DLG2: variants seen among roughly 807,000 people sequenced by gnomAD.
DLG2 encodes discs large MAGUK scaffold protein 2.
A neutral mutation model predicts 132.5 loss-of-function variants in DLG2; 45 were observed. That is an observed-to-expected ratio of 0.34 (90% CI 0.27 to 0.44). The LOEUF (loss-of-function observed/expected upper bound fraction) is 0.44, where lower values mean the gene tolerates loss of function less well. Among genes scored for constraint, DLG2 ranks in the 20% least tolerant of loss-of-function variants. DLG2 has a pLI of 1.00. For missense variants in DLG2, 1,045 were observed against 1,196.9 expected, an observed-to-expected ratio of 0.87 and a Z score of 1.87; for synonymous variants, 424 against 419.6, an observed-to-expected ratio of 1.01 and a Z score of -0.13.
chr11:85,268,233 T>C (rs955003941), intron 4 of DLG2, among the ~76,000 whole-genome samples: 1 of 152,184 alleles, frequency 6.6e-6, no homozygotes, highest in Non-Finnish European at 1.5e-5. Flanking sequence ...CCATTCTATT[T>C]AAAGCCATCC....
intron 2 of DLG2, among the ~76,000 whole-genome samples, chr11:85,621,858 A>G (rs1340505195): frequency 6.6e-6 from 1 of 152,268 alleles, no homozygotes; most frequent in Non-Finnish European, 1.5e-5. Context: ...TTGATAAAGC[A>G]GCAGCAGGGT....
At chr11:84,233,021 C>T (rs193132930) in intron 8 of DLG2, among the ~76,000 whole-genome samples, 1 of 152,274 alleles carries the variant, frequency 6.6e-6, no homozygotes, top group Admixed American at 6.5e-5. Context: ...AACTTGGAAA[C>T]TTCACAACCT....
At chr11:84,929,621 G>A (rs1168567480) in intron 6 of DLG2, among the ~76,000 whole-genome samples, 1 of 152,068 alleles carries the variant, frequency 6.6e-6, no homozygotes, top group Admixed American at 6.6e-5. Flanking sequence ...AAAGTTCTGA[G>A]TAAAACAAAG....
At chr11:84,185,414 T>C (rs1181676336) in intron 8 of DLG2, among the ~76,000 whole-genome samples, 3 of 152,218 alleles carry the variant, frequency 2.0e-5, no homozygotes, top group Non-Finnish European at 2.9e-5. Context: ...TTTTTGTACA[T>C]TGATTTTGTA....
rs1280182790 is a variant in DLG2 at position 84,496,604 on chromosome 11, T to C, written c.519+37966A>G. Among the ~76,000 whole-genome samples, 5 of 152,286 alleles carry C rather than the reference T, an allele frequency of 3.3e-5. 1 individual carries two copies. In the South Asian group the frequency reaches 6.2e-4, roughly 19 times the overall value. ...ACATTTTTATTCAGCAACTGCATTA[T>C]TGTAATATAAGGAGAAAGTAAAAGA... is the stretch of plus-strand genomic sequence containing the variant. On this transcript the variant is annotated intron_variant, in intron 7 of 27. Coordinates refer to ENST00000376104, the MANE Select transcript of DLG2 (RefSeq NM_001142699.3).
chr11:84,844,542 T>C (rs1375762499), intron 6 of DLG2, among the ~76,000 whole-genome samples: 1 of 151,966 alleles, frequency 6.6e-6, no homozygotes, highest in Non-Finnish European at 1.5e-5. Flanking sequence ...GCTTCCTTGT[T>C]TATCCCCATC....
chr11:83,822,004 T>A (rs2050951695), intron 17 of DLG2, among the ~76,000 whole-genome samples: 1 of 152,108 alleles, frequency 6.6e-6, no homozygotes, highest in African/African-American at 2.4e-5. Flanking sequence ...CGAAAGATAT[T>A]AAGTGGAGGA....
chr11:83,590,753 T>C (rs1260539020), intron 19 of DLG2, among the ~76,000 whole-genome samples: 1 of 150,630 alleles, frequency 6.6e-6, no homozygotes, highest in African/African-American at 2.4e-5. Context: ...GCAAGACTAA[T>C]AAAGAAAAAA....
chr11:84,066,785 G>C (rs1371083674), intron 10 of DLG2, among the ~76,000 whole-genome samples: 1 of 151,976 alleles, frequency 6.6e-6, no homozygotes, highest in Non-Finnish European at 1.5e-5. Flanking sequence ...AGTAAAAAAA[G>C]GTAGATGTTA....
intron 7 of DLG2, among the ~76,000 whole-genome samples, chr11:84,439,763 G>C (rs2099011966): frequency 1.3e-5 from 2 of 152,180 alleles, no homozygotes; most frequent in Non-Finnish European, 2.9e-5. Flanking sequence ...GTAGTTAAAA[G>C]TGTATTCAAC....
chr11:83,577,586 A>ATATATATATATATC (rs1315103866), intron 19 of DLG2, among the ~76,000 whole-genome samples: 5 of 118,872 alleles, frequency 4.2e-5, no homozygotes, highest in East Asian at 2.3e-4. Context: ...ATATATATAT[A>ATATATATATATATC]TCCTATTTAT....
chr11:83,793,188 A>G (rs1594483256), intron 17 of DLG2, among the ~76,000 whole-genome samples: 1 of 152,134 alleles, frequency 6.6e-6, no homozygotes, highest in East Asian at 1.9e-4. Flanking sequence ...TTCTTAGGTA[A>G]CTATTACAAA....
At chr11:83,561,872 A>G (rs1202088033) in intron 19 of DLG2, among the ~76,000 whole-genome samples, 1 of 144,590 alleles carries the variant, frequency 6.9e-6, no homozygotes, top group African/African-American at 2.5e-5. Flanking sequence ...AGTTTGACTT[A>G]GTATTTCTTT....
chr11:84,390,786 G>T (rs760583423), intron 7 of DLG2, among the ~76,000 whole-genome samples: 1 of 152,082 alleles, frequency 6.6e-6, no homozygotes, highest in Non-Finnish European at 1.5e-5. Context: ...AAAACAATAG[G>T]TGATACCATG....
chr11:83,590,241 T>C (rs1225003388), intron 19 of DLG2, among the ~76,000 whole-genome samples: 8 of 151,648 alleles, frequency 5.3e-5, no homozygotes, highest in African/African-American at 1.9e-4. Context: ...TAGTTGGAAG[T>C]AAAGCTCTCC....
chr11:84,674,312 T>C (rs2099709106), intron 6 of DLG2, among the ~76,000 whole-genome samples: 1 of 152,098 alleles, frequency 6.6e-6, no homozygotes, highest in African/African-American at 2.4e-5. Context: ...ATCCAATATG[T>C]CACCAAGAGA....
In DLG2 at chr11:83,788,469, G is replaced by C. The variant is rs534949617; in HGVS notation, c.1723-1677C>G. On this transcript the variant is annotated intron_variant, in intron 17 of 27. Transcript: ENST00000376104. Reference sequence around the variant, plus strand: ...TGAGACTCAATTTTCTCCTCCCTCGGAGGGAAGAGACTGTTAGGCTATATG... The same window carrying C: ...TGAGACTCAATTTTCTCCTCCCTCGCAGGGAAGAGACTGTTAGGCTATATG... Among the ~76,000 whole-genome samples the C allele has an allele frequency of 7.9e-5, 12 of 152,286 alleles. No homozygotes were observed. The South Asian group carries it at 2.3e-3, about 29-fold the overall frequency.
At chr11:84,731,136 C>T (rs1223246096) in intron 6 of DLG2, among the ~76,000 whole-genome samples, 2 of 152,048 alleles carry the variant, frequency 1.3e-5, no homozygotes, top group African/African-American at 4.8e-5. Context: ...CAAGGACTGT[C>T]AATCTCAAAT....
intron 9 of DLG2, among the ~76,000 whole-genome samples, chr11:84,160,642 T>C (rs1173401059): frequency 6.6e-6 from 1 of 152,154 alleles, no homozygotes; most frequent in Non-Finnish European, 1.5e-5. Flanking sequence ...ATGAAAGATA[T>C]ACTGTGCCTG....
Sources: gnomAD v4.1 joint callset for allele counts (sites outside exome capture counted in the v4.1 genomes callset) on GRCh38, gnomAD v4.1.1 for gene constraint, MANE v1.5 for transcripts, NCBI Gene and HGNC (gene_info 2026-07-23, HGNC 2026-07-21) for gene names.